EPHA5: variants seen among roughly 807,000 people sequenced by gnomAD.
EPHA5 encodes the protein ephrin type-A receptor 5.
In EPHA5, 60 loss-of-function variants were observed where a neutral mutation model predicts 105.0. The ratio of observed to expected loss-of-function variants is 0.57; its 90% CI spans 0.46 to 0.71. The LOEUF is 0.71. Among genes scored for constraint, EPHA5 ranks in the 30% least tolerant of loss-of-function variants. The pLI, the probability that EPHA5 is intolerant of heterozygous loss-of-function variation, is 0.00. For synonymous variants in EPHA5, 513 were observed against 449.1 expected (o/e 1.14, Z -1.80); for missense variants, 1,218 against 1,274.7 (o/e 0.96, Z 0.68).
chr4:65,529,359 T>G (rs1357810198), intron 3 of EPHA5, among the ~76,000 whole-genome samples: 1 of 152,176 alleles, frequency 6.6e-6, no homozygotes, highest in Non-Finnish European at 1.5e-5. Context: ...ATAAATTTAT[T>G]GTTTCCTTTG....
At chr4:65,511,977 CAA>C (rs1192954972) in intron 3 of EPHA5, among the ~76,000 whole-genome samples, 1 of 151,866 alleles carries the variant, frequency 6.6e-6, no homozygotes, top group Admixed American at 6.6e-5. Flanking sequence ...AAAAAAATTC[CAA>C]AGTTTATTGA....
chr4:65,608,364 C>T (rs1471189765), intron 2 of EPHA5, among the ~76,000 whole-genome samples: 3 of 151,774 alleles, frequency 2.0e-5, no homozygotes, highest in Non-Finnish European at 4.4e-5. Context: ...ATTAGCCGGG[C>T]GTGGTGGTGG....
chr4:65,351,774 A>T (rs77724694), intron 12 of EPHA5, among the ~76,000 whole-genome samples, 176 bp from the exon 13 acceptor site: 3,415 of 152,032 alleles, frequency 0.022, 130 homozygotes, highest in African/African-American at 0.078. Context: ...GGTGACATTT[A>T]TTTTTCCTCT....
intron 16 of EPHA5, among the ~76,000 whole-genome samples, chr4:65,324,742 C>CTTTTTTT (rs368440921): frequency 6.9e-5 from 9 of 131,310 alleles, no homozygotes; most frequent in Non-Finnish European, 1.3e-4. Flanking sequence ...CAATGTTTTA[C>CTTTTTTT]TTTTTTTTTT....
chr4:65,480,477 T>C (rs1174820234), intron 5 of EPHA5, among the ~76,000 whole-genome samples: 1 of 152,088 alleles, frequency 6.6e-6, no homozygotes, highest in African/African-American at 2.4e-5. Flanking sequence ...ATAGGCAAAT[T>C]AAGAAACCAC....
chr4:65,492,335 G>A (rs985712521), intron 4 of EPHA5, among the ~76,000 whole-genome samples: 1 of 151,730 alleles, frequency 6.6e-6, no homozygotes, highest in African/African-American at 2.4e-5. Flanking sequence ...CCGAGTAGCT[G>A]GAATTACAGG....
chr4:65,376,868 G>A, intron 8 of EPHA5: 1 of 636,818 alleles, frequency 1.6e-6, no homozygotes, highest in Non-Finnish European at 2.5e-6. Context: ...GAAATCACTT[G>A]TTAGGATTCA....
intron 7 of EPHA5, among the ~76,000 whole-genome samples, chr4:65,407,842 G>T (rs1400453286): frequency 1.3e-5 from 2 of 151,688 alleles, no homozygotes; most frequent in African/African-American, 4.8e-5. Context: ...TGCAACCTCT[G>T]CTGCCAGGGC....
At chr4:65,468,012 C>T (rs1361573689) in intron 5 of EPHA5, among the ~76,000 whole-genome samples, 1 of 152,156 alleles carries the variant, frequency 6.6e-6, no homozygotes, top group Non-Finnish European at 1.5e-5. Flanking sequence ...AAGAGAAACA[C>T]AGTCCTGCTG....
At chr4:65,660,449 A>G (rs1398396931) in intron 1 of EPHA5, among the ~76,000 whole-genome samples, 1 of 152,152 alleles carries the variant, frequency 6.6e-6, no homozygotes. Context: ...AGTGTCAGGA[A>G]GATGACGATC....
At chr4:65,400,617 G>A (rs1721720650) in intron 8 of EPHA5, among the ~76,000 whole-genome samples, 1 of 151,998 alleles carries the variant, frequency 6.6e-6, no homozygotes, top group African/African-American at 2.4e-5. Flanking sequence ...ATCAATTTAA[G>A]CCTGAAAAGA....
intron 14 of EPHA5, among the ~76,000 whole-genome samples, chr4:65,336,792 T>C (rs1262574147): frequency 6.6e-6 from 1 of 152,106 alleles, no homozygotes; most frequent in Non-Finnish European, 1.5e-5. Flanking sequence ...TGTGAGGTCA[T>C]TTTATCAAAA....
chr4:65,378,711 G>A (rs556958207), intron 8 of EPHA5, among the ~76,000 whole-genome samples: 9 of 151,882 alleles, frequency 5.9e-5, no homozygotes, highest in South Asian at 2.1e-4. Flanking sequence ...TTTAAAAACC[G>A]TTTGCCCTCC....
intron 3 of EPHA5, among the ~76,000 whole-genome samples, chr4:65,572,710 C>T (rs1489613787): frequency 6.6e-6 from 1 of 152,152 alleles, no homozygotes; most frequent in South Asian, 2.1e-4. Flanking sequence ...AGAGCATGTC[C>T]TTTACTCATT....
chr4:65,638,378 TA>T (rs1323384522), intron 2 of EPHA5, among the ~76,000 whole-genome samples: 1 of 152,132 alleles, frequency 6.6e-6, no homozygotes, highest in African/African-American at 2.4e-5. Flanking sequence ...CAAAACAAAG[TA>T]AGTTTTCTGG....
chr4:65,661,406 C>T (rs1443287264), intron 1 of EPHA5, among the ~76,000 whole-genome samples: 4 of 152,014 alleles, frequency 2.6e-5, no homozygotes, highest in Admixed American at 2.6e-4. Flanking sequence ...TGTTGCCTTC[C>T]CTCTTTCTAG....
intron 4 of EPHA5, among the ~76,000 whole-genome samples, chr4:65,492,345 G>A (rs1256867823): frequency 6.6e-6 from 1 of 151,554 alleles, no homozygotes; most frequent in Non-Finnish European, 1.5e-5. Context: ...GGAATTACAG[G>A]GGCCCACCAC....
chr4:65,628,525 C>A (rs999438960), intron 2 of EPHA5, among the ~76,000 whole-genome samples: 1 of 151,998 alleles, frequency 6.6e-6, no homozygotes, highest in Non-Finnish European at 1.5e-5. Context: ...TTATTTTGAT[C>A]ATAATAACCT....
chr4:65,492,538 C>CAAAAAAAAAAAAAAAAAAAAAAAAAAA (rs10543479), intron 4 of EPHA5, among the ~76,000 whole-genome samples: 1 of 84,944 alleles, frequency 1.2e-5, no homozygotes. Context: ...GACATCTTTG[C>CAAAAAAAAAAAAAAAAAAAAAAAAAAA]AAAAAAAAAA....
Sources: gnomAD v4.1 joint callset for allele counts (sites outside exome capture counted in the v4.1 genomes callset) on GRCh38, gnomAD v4.1.1 for gene constraint, MANE v1.5 for transcripts, NCBI Gene and HGNC (gene_info 2026-07-23, HGNC 2026-07-21) for gene names.